INSL6: variants seen among roughly 807,000 people sequenced by gnomAD.
INSL6 encodes insulin like 6.
A neutral mutation model predicts 9.4 loss-of-function variants in INSL6; 16 were observed. The ratio of observed to expected loss-of-function variants is 1.70; its 90% CI spans 1.15 to 2.59. The LOEUF is 2.59. Among genes scored for constraint, INSL6 ranks in the 30% most tolerant of loss-of-function variants. The pLI is 0.00. For synonymous variants in INSL6, 154 were observed against 96.9 expected, an observed-to-expected ratio of 1.59 and a Z score of -3.46; for missense variants, 391 against 257.3, an observed-to-expected ratio of 1.52 and a Z score of -3.56.
chr9:5,113,894 C>T, the INSL6 span: 1 of 224,728 alleles, frequency 4.4e-6, no homozygotes, highest in Non-Finnish European at 9.0e-6. Flanking sequence ...ATCTTACAGT[C>T]CTCCTGTGAT....
chr9:5,020,489 C>T, the INSL6 span, among the ~76,000 whole-genome samples: 1 of 152,200 alleles, frequency 6.6e-6, no homozygotes, highest in African/African-American at 2.4e-5. Context: ...CAGGTGGGGG[C>T]AGCAGTGGCT....
the INSL6 span, among the ~76,000 whole-genome samples, chr9:5,036,012 T>C: frequency 6.6e-6 from 1 of 152,220 alleles, no homozygotes; most frequent in Non-Finnish European, 1.5e-5. Flanking sequence ...CTCCTTAAGC[T>C]GATAAGCAAC....
chr9:5,126,265 A>G (rs1321193537), intron 3 of INSL6: 3 of 1,118,394 alleles, frequency 2.7e-6, no homozygotes, highest in African/African-American at 1.6e-5. Context: ...CATTGACTGG[A>G]GGAAATTGAG....
At chr9:5,163,569 A>G (rs1446339208), downstream of INSL6, among the ~76,000 whole-genome samples, 1 of 152,196 alleles carries the variant, frequency 6.6e-6, no homozygotes, top group East Asian at 1.9e-4. Context: ...CATGGGCATC[A>G]GTTTGTGTGT....
At chr9:5,078,572 C>G in the INSL6 span, 1 of 719,636 alleles carries the variant, frequency 1.4e-6, no homozygotes. Flanking sequence ...AAAATTATCA[C>G]TTTTAGCAAT....
chr9:5,180,042 T>TTCAA (rs1298996828), intron 1 of INSL6, among the ~76,000 whole-genome samples: 1 of 152,180 alleles, frequency 6.6e-6, no homozygotes, highest in East Asian at 1.9e-4. Flanking sequence ...TTCAAATTAG[T>TTCAA]GTATATATTC....
Position 5,128,171 on chromosome 9 carries a change from G to GTTTC in INSL6, c.*11-3664_*11-3661dup, listed in dbSNP as rs1191468533. 3.9e-5 allele frequency: 9 copies of GTTTC among 230,214 alleles called. No homozygotes were observed. The East Asian group carries it at 4.9e-4, about 12-fold the overall frequency. The allele number at this position is 230,214 out of a possible 1,614,324, so 14.3% of individuals were successfully genotyped here. ...TGCTGTTTTGATTAAAAAGAAAATA[G>GTTTC]TTTCTTACTTTATTTTTACTGGTAT... is the stretch of plus-strand genomic sequence containing the variant. On this transcript the variant is annotated intron_variant, in intron 3 of 3. Transcript: ENST00000649639.
At chr9:5,175,465 C>G (rs192275408) in intron 1 of INSL6, among the ~76,000 whole-genome samples, 1 of 152,232 alleles carries the variant, frequency 6.6e-6, no homozygotes, top group Non-Finnish European at 1.5e-5. Context: ...GCTCAAAAAT[C>G]TTAATGACTC....
chr9:5,021,866 C>T, the INSL6 span: 3 of 652,658 alleles, frequency 4.6e-6, no homozygotes, highest in East Asian at 5.5e-5. Flanking sequence ...CTTCTGGGCT[C>T]AAGCTATCTG....
At chr9:5,021,659 C>G in the INSL6 span, among the ~76,000 whole-genome samples, 1 of 152,146 alleles carries the variant, frequency 6.6e-6, no homozygotes, top group Non-Finnish European at 1.5e-5. Flanking sequence ...CAGGGTCTTG[C>G]TGTGTCACCC....
chr9:5,073,336 A>G, the INSL6 span, among the ~76,000 whole-genome samples: 1 of 152,312 alleles, frequency 6.6e-6, no homozygotes, highest in African/African-American at 2.4e-5. Flanking sequence ...GTGTTATTTA[A>G]AGGCTACATC....
chr9:5,185,391 T>G lies in INSL6; in HGVS notation c.212A>C (p.Lys71Thr). ...FSRLIAQASEKVEAYSPYQFE... is the reference protein window; with the variant it reads ...FSRLIAQASETVEAYSPYQFE... The stretch of plus-strand genomic sequence containing the variant: ...CTGGTATGGGCTGTAGGCTTCGACC[T>G]TCTCCGAGGCCTGTGCAATCAACCG... Residue 71 changes from lysine to threonine, a missense_variant, in exon 1 of 2, where the codon AAG (lysine) becomes ACG (threonine). Transcript: ENST00000381641. The G allele has an allele frequency of 6.2e-7, 1 of 1,614,176 alleles. No individual in the cohort carries two copies. The highest frequency in any genetic ancestry group is 8.5e-7 in the Non-Finnish European group (1 of 1,180,038).
the INSL6 span, among the ~76,000 whole-genome samples, chr9:5,115,629 CT>C: frequency 6.6e-6 from 1 of 152,164 alleles, no homozygotes; most frequent in African/African-American, 2.4e-5. Flanking sequence ...TATTGTGGCA[CT>C]TTTCACAATA....
At chr9:5,006,406 T>C in the INSL6 span, among the ~76,000 whole-genome samples, 4 of 152,150 alleles carry the variant, frequency 2.6e-5, no homozygotes, top group Admixed American at 6.5e-5. Flanking sequence ...ACAATGGGGT[T>C]TTCTAGATAT....
At chr9:5,123,096 T>C (rs375671491), downstream of INSL6, 122 of 1,606,594 alleles carry the variant, frequency 7.6e-5, no homozygotes, top group South Asian at 4.3e-4. Context: ...TTCACATACA[T>C]TGAGAAGAGT....
the INSL6 span, chr9:5,089,993 T>G: frequency 9.9e-6 from 5 of 503,888 alleles, no homozygotes; most frequent in South Asian, 2.7e-4. Flanking sequence ...CTATAATGAC[T>G]AGAGATTGTG....
the INSL6 span, chr9:5,054,479 G>T: frequency 1.5e-4 from 175 of 1,150,634 alleles, no homozygotes; most frequent in Non-Finnish European, 2.1e-4. This position sits in a 1 kb window ranked among gnomAD's most constrained non-coding sequence, Gnocchi z 4.9. Flanking sequence ...ATGGAAAAAG[G>T]TGGTAACTTC....
chr9:5,090,926 G>A, the INSL6 span: 1 of 1,511,924 alleles, frequency 6.6e-7, no homozygotes, highest in Non-Finnish European at 8.9e-7. Flanking sequence ...GTATATTTCA[G>A]TATGATAAAT....
At chr9:5,120,370 T>G (rs1823523402), downstream of INSL6, among the ~76,000 whole-genome samples, 1 of 152,202 alleles carries the variant, frequency 6.6e-6, no homozygotes, top group Non-Finnish European at 1.5e-5. Flanking sequence ...AAACACTAAA[T>G]CTGAAGTCTG....
Sources: gnomAD v4.1 joint callset for allele counts (sites outside exome capture counted in the v4.1 genomes callset) on GRCh38, gnomAD v4.1.1 for gene constraint, Gnocchi (gnomAD v3.1) non-coding constraint, MANE v1.5 for transcripts, NCBI Gene and HGNC (gene_info 2026-07-23, HGNC 2026-07-21) for gene names.